The following KCNJ4 variants were observed in gnomAD, a reference collection of about 807,000 sequenced individuals.
KCNJ4 encodes the protein potassium inwardly rectifying channel subfamily J member 4, also known as inward rectifier potassium channel 4.
A neutral mutation model predicts 25.6 loss-of-function variants in KCNJ4; 3 were observed. The observed-to-expected ratio is 0.12, with a 90% confidence interval of 0.05 to 0.30. The LOEUF is 0.30. KCNJ4 is among the 10% of genes least tolerant of loss of function. The probability of loss-of-function intolerance (pLI) is 1.00; values close to 1 mark genes in which losing one functional copy is unlikely to be tolerated. For missense variants in KCNJ4, 286 were observed against 666.8 expected, an observed-to-expected ratio of 0.43 and a Z score of 6.29; for synonymous variants, 257 against 283.9, an observed-to-expected ratio of 0.91 and a Z score of 0.95.
intron 1 of KCNJ4, among the ~76,000 whole-genome samples, chr22:38,448,620 C>T (rs938658617): frequency 6.6e-6 from 1 of 152,176 alleles, no homozygotes; most frequent in African/African-American, 2.4e-5. Context: ...TGGGGAGTGT[C>T]AGTGAGAGAG....
chr22:38,444,683 C>T (rs1172389348), intron 1 of KCNJ4, among the ~76,000 whole-genome samples: 1 of 152,190 alleles, frequency 6.6e-6, no homozygotes, highest in East Asian at 1.9e-4. Context: ...TCAGCCCCTG[C>T]CCATGACTCA....
At position 38,449,603 on chromosome 22, in the gene KCNJ4, C is replaced by T. The variant is rs1471900914; in HGVS notation, c.-40+5377G>A. Reference sequence around the variant, plus strand: ...AGGGGGCTGCGAGCAGGTGGGGCAACGGGTGCAGAGGGAGGGGCAGGGGCC... The same window carrying T: ...AGGGGGCTGCGAGCAGGTGGGGCAATGGGTGCAGAGGGAGGGGCAGGGGCC... On this transcript the variant is annotated intron_variant, in intron 1 of 1. Coordinates refer to ENST00000303592, the MANE Select transcript of KCNJ4 (RefSeq NM_152868.3). This position sits in a 1 kb window ranked among gnomAD's most constrained non-coding sequence, Gnocchi z 5.2. 6.6e-6 allele frequency among the ~76,000 whole-genome samples: 1 copy of T among 152,178 alleles called. No individual in the cohort carries two copies.
In KCNJ4 at chr22:38,445,060, CATGCGTGTGT is replaced by C. The variant is rs367553584; in HGVS notation, c.-40+9910_-40+9919del. On this transcript the variant is annotated intron_variant, in intron 1 of 1. Coordinates refer to ENST00000303592, the MANE Select transcript of KCNJ4 (RefSeq NM_152868.3). ...AGCTCCGTGCACGCATGTGTGCGTG[CATGCGTGTGT>C]GTGCGTGTGTGTGTGTGAAAGGGCA... is the stretch of plus-strand genomic sequence containing the variant. Among the ~76,000 whole-genome samples, 668 of 152,168 alleles carry C rather than the reference CATGCGTGTGT, an allele frequency of 4.4e-3. 4 individuals are homozygous for C. The highest frequency in any genetic ancestry group is 0.031 in the Middle Eastern group (9 of 294).
intron 1 of KCNJ4, among the ~76,000 whole-genome samples, chr22:38,453,627 G>A (rs923013532): frequency 2.0e-5 from 3 of 152,164 alleles, no homozygotes; most frequent in East Asian, 3.9e-4. Context: ...CCCAGGGCCC[G>A]CCTTGGAGGT....
intron 1 of KCNJ4, among the ~76,000 whole-genome samples, chr22:38,436,495 A>G (rs1416348388): frequency 6.6e-6 from 1 of 152,150 alleles, no homozygotes; most frequent in African/African-American, 2.4e-5. Flanking sequence ...GGTATCTCCA[A>G]TGGTGAAAGG....
Position 38,445,877 on chromosome 22 carries a change from G to A in KCNJ4, c.-40+9103C>T, listed in dbSNP as rs565583099. Reference sequence around the variant, plus strand: ...CCGGCGTGTGTCTTGAAGCTGTGACGGGCGGTGCTTGGACTCCGGGCTTTG... The same window carrying A: ...CCGGCGTGTGTCTTGAAGCTGTGACAGGCGGTGCTTGGACTCCGGGCTTTG... On this transcript the variant is annotated intron_variant, in intron 1 of 1. Transcript: ENST00000303592. Among the ~76,000 whole-genome samples the A allele has an allele frequency of 2.6e-5, 4 of 152,216 alleles. 1 individual carries two copies. Among genetic ancestry groups the A allele is most frequent in the African/African-American group, 7.2e-5 (3 of 41,524 alleles).
intron 1 of KCNJ4, among the ~76,000 whole-genome samples, chr22:38,435,203 T>TG (rs1396469969): frequency 3.3e-5 from 5 of 152,122 alleles, no homozygotes; most frequent in South Asian, 2.1e-4. Context: ...AGGTGACAGA[T>TG]GGGGGGCGCT....
chr22:38,432,463 G>A (rs2093053192), intron 1 of KCNJ4, among the ~76,000 whole-genome samples: 1 of 152,102 alleles, frequency 6.6e-6, no homozygotes, highest in South Asian at 2.1e-4. Context: ...GGGAGGTGGA[G>A]AGGCCCTCTG....
In KCNJ4 at chr22:38,426,771, A is replaced by G. The variant is rs769683590; in HGVS notation, c.*24T>C. The stretch of plus-strand genomic sequence containing the variant: ...ACCCCCGGCAGAGGCTCTTGTGGGC[A>G]GTGGTGAGGGCCGGGCCTGGAGGTC... On this transcript the variant is annotated 3_prime_UTR_variant, in exon 2 of 2. Coordinates refer to ENST00000303592, the MANE Select transcript of KCNJ4 (RefSeq NM_152868.3). 4 of 1,583,922 alleles carry G rather than the reference A, an allele frequency of 2.5e-6. No individual in the cohort carries two copies. The highest frequency in any genetic ancestry group is 3.4e-5 in the Admixed American group (2 of 58,152).
rs544146036 is a variant in KCNJ4 at position 38,444,767 on chromosome 22, C to T, written c.-40+10213G>A. ...TGGGGGGGGCCACGGGCTGCATGCC[C>T]CTCTTTACTGCTGACCACCTTCCCA... On this transcript the variant is annotated intron_variant, in intron 1 of 1. Transcript: ENST00000303592. 2.0e-5 allele frequency among the ~76,000 whole-genome samples: 3 copies of T among 152,306 alleles called. 1 individual carries two copies. The highest frequency in any genetic ancestry group is 7.2e-5 in the African/African-American group (3 of 41,568).
At chr22:38,429,083 CAAAAAAAAAA>C (rs10582408) in intron 1 of KCNJ4, among the ~76,000 whole-genome samples, 1 of 108,884 alleles carries the variant, frequency 9.2e-6, no homozygotes, top group South Asian at 3.0e-4. Flanking sequence ...GACCCCATGT[CAAAAAAAAAA>C]AAAAAAAAAA....
intron 1 of KCNJ4, among the ~76,000 whole-genome samples, chr22:38,448,204 C>T (rs1016511121): frequency 6.6e-6 from 1 of 150,692 alleles, no homozygotes; most frequent in South Asian, 2.1e-4. Context: ...TGAGATTGTG[C>T]CATTGCATTC....
intron 1 of KCNJ4, among the ~76,000 whole-genome samples, chr22:38,441,099 A>G (rs569174879): frequency 1.3e-4 from 20 of 152,100 alleles, no homozygotes; most frequent in South Asian, 2.1e-4. Flanking sequence ...TGCAGAGCAG[A>G]TGAGGAGGAC....
At chr22:38,442,200 A>G (rs544392904) in intron 1 of KCNJ4, among the ~76,000 whole-genome samples, 1 of 152,286 alleles carries the variant, frequency 6.6e-6, no homozygotes, top group East Asian at 1.9e-4. Flanking sequence ...GAAAATGCAC[A>G]TGAAAAGTTT....
chr22:38,434,513 G>T (rs57462980), intron 1 of KCNJ4, among the ~76,000 whole-genome samples: 3,487 of 152,242 alleles, frequency 0.023, 123 homozygotes, highest in African/African-American at 0.079. Context: ...ATGCCGGGGG[G>T]TTGAGGGGTG....
intron 1 of KCNJ4, among the ~76,000 whole-genome samples, chr22:38,446,509 T>C (rs9610957): frequency 6.6e-6 from 1 of 151,940 alleles, no homozygotes; most frequent in Non-Finnish European, 1.5e-5. Context: ...TCCAGAGAAG[T>C]GGTACCCCAA....
intron 1 of KCNJ4, among the ~76,000 whole-genome samples, chr22:38,434,535 G>C (rs1412284960): frequency 6.6e-6 from 1 of 152,142 alleles, no homozygotes; most frequent in East Asian, 1.9e-4. Flanking sequence ...TGCTGAGCTT[G>C]AGCTGGAAAT....
chr22:38,444,083 G>T (rs925187641), intron 1 of KCNJ4, among the ~76,000 whole-genome samples: 15 of 152,036 alleles, frequency 9.9e-5, no homozygotes, highest in Non-Finnish European at 2.2e-4. Flanking sequence ...TGATTCAAAG[G>T]CTGCCTGTTC....
At chr22:38,453,286 G>A (rs970072509) in intron 1 of KCNJ4, among the ~76,000 whole-genome samples, 10 of 152,066 alleles carry the variant, frequency 6.6e-5, no homozygotes, top group Non-Finnish European at 8.8e-5. Context: ...TTCTCCAGTT[G>A]AAGAAACTGA....
Sources: allele counts gnomAD v4.1 joint callset (sites outside exome capture counted in the v4.1 genomes callset), GRCh38; gene constraint gnomAD v4.1.1; non-coding constraint Gnocchi (gnomAD v3.1); transcripts MANE v1.5; gene names NCBI Gene and HGNC (gene_info 2026-07-23, HGNC 2026-07-21).